The following DLGAP2 variants were observed in gnomAD, a reference collection of about 807,000 sequenced individuals.
DLGAP2 encodes the protein DLG associated protein 2, also known as disks large-associated protein 2.
Under a neutral mutation model 100.3 loss-of-function variants are expected in DLGAP2, and 26 were observed. The observed-to-expected ratio is 0.26, with a 90% CI of 0.19 to 0.36. The LOEUF (loss-of-function observed/expected upper bound fraction) is 0.36. Ranked by LOEUF, DLGAP2 falls within the 10% of genes least tolerant of loss-of-function variation. The pLI, the probability that DLGAP2 is intolerant of heterozygous loss-of-function variation, is 1.00. For missense variants in DLGAP2, 1,858 were observed against 1,453.2 expected (o/e 1.28, Z -4.53); for synonymous variants, 886 against 630.1 (o/e 1.41, Z -6.08).
chr8:1,416,938 T>C (rs1022605129), intron 3 of DLGAP2, among the ~76,000 whole-genome samples: 1 of 152,136 alleles, frequency 6.6e-6, no homozygotes, highest in Non-Finnish European at 1.5e-5. Context: ...GGAAACAGAT[T>C]TGCTTCGTGA....
chr8:1,007,540 C>T (rs1306377186), intron 2 of DLGAP2, among the ~76,000 whole-genome samples: 2 of 151,892 alleles, frequency 1.3e-5, no homozygotes, highest in Non-Finnish European at 2.9e-5. Flanking sequence ...AGCGGATGTA[C>T]ACGAAGCCAT....
In DLGAP2 at chr8:965,299, G is replaced by C. The variant is rs7011782; in HGVS notation, c.73+57333G>C. 4.2e-4 allele frequency among the ~76,000 whole-genome samples: 49 copies of C among 116,606 alleles called. No homozygotes were observed. In the East Asian group the frequency reaches 4.9e-3, roughly 12 times the overall value. 76.5% of individuals were successfully genotyped at this position (116,606 alleles called of 152,430 possible). ...TGCACACGGCACTGTTCACCACACA[G>C]GGCTCCTGAGTCTGACCCCTGCGCT... On this transcript the variant is annotated intron_variant, in intron 2 of 14. Coordinates refer to ENST00000637795, the MANE Select transcript of DLGAP2 (RefSeq NM_001346810.2).
chr8:1,134,645 G>A (rs1200042190), intron 2 of DLGAP2, among the ~76,000 whole-genome samples: 1 of 152,110 alleles, frequency 6.6e-6, no homozygotes, highest in African/African-American at 2.4e-5. Context: ...CTGCTATAAA[G>A]AACTGCCTGA....
At chr8:1,598,414 G>C (rs991868696) in intron 6 of DLGAP2, among the ~76,000 whole-genome samples, 1 of 152,134 alleles carries the variant, frequency 6.6e-6, no homozygotes, top group Admixed American at 6.5e-5. Context: ...TTTTTCTATT[G>C]TTTGGAATAA....
chr8:1,506,577 A>G (rs118113905), intron 4 of DLGAP2, among the ~76,000 whole-genome samples: 2,318 of 152,308 alleles, frequency 0.015, 30 homozygotes, highest in Middle Eastern at 0.027. Context: ...GTAAAAATTA[A>G]GCATCCACAC....
chr8:872,709 C>CG (rs1563073443), intron 1 of DLGAP2, among the ~76,000 whole-genome samples: 2 of 152,150 alleles, frequency 1.3e-5, no homozygotes, highest in African/African-American at 4.8e-5. Flanking sequence ...GTGTACAATC[C>CG]GCTGGCTTTT....
At position 1,507,781 on chromosome 8, in the gene DLGAP2, G is replaced by GACCCTCCTTCACCCACC. The variant is rs1249661583; in HGVS notation, c.172+6358_172+6374dup. On this transcript the variant is annotated intron_variant, in intron 4 of 14. Transcript: ENST00000637795. ...CACCGAGTCTTCCTCCTTCACCCAC[G>GACCCTCCTTCACCCACC]ACCCTCCTTCACCCACCACCCTCCC... Among the ~76,000 whole-genome samples, 88 of 150,314 alleles carry GACCCTCCTTCACCCACC rather than the reference G, an allele frequency of 5.9e-4. 1 individual carries two copies. The highest frequency in any genetic ancestry group is 5.9e-4 in the Admixed American group (9 of 15,168).
At chr8:1,071,986 G>T (rs1562921) in intron 2 of DLGAP2, among the ~76,000 whole-genome samples, 45,909 of 152,044 alleles carry the variant, frequency 0.3, 7,467 homozygotes, top group Middle Eastern at 0.38. Flanking sequence ...CAGTGTGCTG[G>T]ACATTGGCCG....
intron 1 of DLGAP2, among the ~76,000 whole-genome samples, chr8:779,162 G>A (rs537250880): frequency 1.1e-4 from 16 of 152,344 alleles, no homozygotes; most frequent in Middle Eastern, 6.8e-3. Flanking sequence ...GACGCCTTGC[G>A]CTTCCCGAGT....
intron 2 of DLGAP2, among the ~76,000 whole-genome samples, chr8:1,131,726 C>T (rs138656305): frequency 1.3e-5 from 2 of 152,150 alleles, no homozygotes; most frequent in African/African-American, 2.4e-5. Context: ...CTTTGGGGTT[C>T]TGGTAAGATA....
At chr8:1,339,309 C>T (rs1185536790) in intron 3 of DLGAP2, among the ~76,000 whole-genome samples, 2 of 136,864 alleles carry the variant, frequency 1.5e-5, no homozygotes, top group Admixed American at 7.2e-5. Context: ...CATCAGGACC[C>T]GGGAGGGAAT....
intron 2 of DLGAP2, among the ~76,000 whole-genome samples, chr8:935,765 A>T (rs1799056823): frequency 6.6e-6 from 1 of 152,290 alleles, no homozygotes; most frequent in Non-Finnish European, 1.5e-5. Flanking sequence ...CCCTCAAAGC[A>T]TAGTGGTTCC....
At chr8:1,432,443 A>C (rs551240462) in intron 3 of DLGAP2, among the ~76,000 whole-genome samples, 48 of 152,280 alleles carry the variant, frequency 3.2e-4, no homozygotes, top group African/African-American at 1.1e-3. Context: ...GTCCTGTCTA[A>C]ATGTTTATTT....
intron 1 of DLGAP2, among the ~76,000 whole-genome samples, chr8:875,860 G>T (rs967579282): frequency 6.6e-6 from 1 of 152,096 alleles, no homozygotes; most frequent in East Asian, 1.9e-4. Flanking sequence ...ATCAGTTTCA[G>T]ACTTATGCTG....
intron 4 of DLGAP2, among the ~76,000 whole-genome samples, chr8:1,547,632 C>G (rs1175736274): frequency 6.6e-6 from 1 of 152,178 alleles, no homozygotes; most frequent in Non-Finnish European, 1.5e-5. Context: ...CAGCCGCCTT[C>G]CCAGGGAGAG....
chr8:771,623 A>C (rs540182291), intron 1 of DLGAP2, among the ~76,000 whole-genome samples: 114 of 152,350 alleles, frequency 7.5e-4, no homozygotes, highest in African/African-American at 2.7e-3. Flanking sequence ...GTTAAGAGTA[A>C]TGGTCACGAG....
intron 2 of DLGAP2, among the ~76,000 whole-genome samples, chr8:1,246,613 C>T (rs909281066): frequency 6.6e-6 from 1 of 152,214 alleles, no homozygotes; most frequent in Non-Finnish European, 1.5e-5. Context: ...AAACTTACCA[C>T]CCAAGTTTAG....
intron 2 of DLGAP2, among the ~76,000 whole-genome samples, chr8:1,056,755 A>G (rs1802893889): frequency 6.6e-6 from 1 of 152,226 alleles, no homozygotes; most frequent in Non-Finnish European, 1.5e-5. Flanking sequence ...AAGTTTCTTA[A>G]TTTTGATCTC....
chr8:1,190,269 G>A (rs1474197113), intron 2 of DLGAP2, among the ~76,000 whole-genome samples: 2 of 152,200 alleles, frequency 1.3e-5, no homozygotes, highest in Non-Finnish European at 2.9e-5. Context: ...CCCACTTGCT[G>A]TGGTTTATGG....
Sources: allele counts gnomAD v4.1 joint callset (sites outside exome capture counted in the v4.1 genomes callset), GRCh38; gene constraint gnomAD v4.1.1; transcripts MANE v1.5; gene names NCBI Gene and HGNC (gene_info 2026-07-23, HGNC 2026-07-21).